ERBB4: variants seen among roughly 807,000 people sequenced by gnomAD.
ERBB4 encodes erb-b2 receptor tyrosine kinase 4.
ERBB4 carries 42 observed loss-of-function variants against 158.0 expected under a neutral mutation model. The observed-to-expected ratio is 0.27, with a 90% CI of 0.21 to 0.34. The LOEUF (loss-of-function observed/expected upper bound fraction) is 0.34, where lower values mean the gene tolerates loss of function less well. Ranked by LOEUF, ERBB4 falls within the 10% of genes least tolerant of loss-of-function variation. ERBB4 has a pLI of 1.00. For missense variants in ERBB4, 1,333 were observed against 1,624.1 expected, an observed-to-expected ratio of 0.82 and a Z score of 3.08; for synonymous variants, 583 against 558.7, an observed-to-expected ratio of 1.04 and a Z score of -0.61.
intron 17 of ERBB4, among the ~76,000 whole-genome samples, chr2:211,627,507 T>G (rs572411398): frequency 6.6e-6 from 1 of 152,348 alleles, no homozygotes; most frequent in South Asian, 2.1e-4. Context: ...AGCTGTAAGG[T>G]AGTTTCCAGA....
intron 2 of ERBB4, among the ~76,000 whole-genome samples, chr2:211,970,960 T>G (rs2081436467): frequency 6.6e-6 from 1 of 152,194 alleles, no homozygotes; most frequent in African/African-American, 2.4e-5. Context: ...ATGTGGTTGC[T>G]TTACAGCATC....
At chr2:211,678,175 T>C (rs961025944) in intron 13 of ERBB4, among the ~76,000 whole-genome samples, 48 of 152,016 alleles carry the variant, frequency 3.2e-4, no homozygotes, top group African/African-American at 1.1e-3. Flanking sequence ...CAGAACACTT[T>C]CAAAACCACT....
chr2:211,425,889 G>T (rs1470503906), intron 22 of ERBB4, among the ~76,000 whole-genome samples: 1 of 152,062 alleles, frequency 6.6e-6, no homozygotes, highest in African/African-American at 2.4e-5. Context: ...TCAGCATGTT[G>T]CCCAGGCTGG....
intron 1 of ERBB4, among the ~76,000 whole-genome samples, chr2:212,270,345 A>G (rs1372486918): frequency 1.3e-5 from 2 of 151,780 alleles, no homozygotes; most frequent in Non-Finnish European, 1.5e-5. Context: ...TCAAGTCACA[A>G]GATCTTTGCA....
chr2:211,829,877 A>G (rs1294254301), intron 3 of ERBB4, among the ~76,000 whole-genome samples: 1 of 152,178 alleles, frequency 6.6e-6, no homozygotes, highest in African/African-American at 2.4e-5. Context: ...AAAATTATAA[A>G]TGACATAAAA....
chr2:211,837,055 T>C (rs1278111044), intron 3 of ERBB4, among the ~76,000 whole-genome samples: 2 of 152,090 alleles, frequency 1.3e-5, no homozygotes, highest in Non-Finnish European at 2.9e-5. Context: ...CCAAAACCAT[T>C]TGATTATGAA....
intron 12 of ERBB4, among the ~76,000 whole-genome samples, chr2:211,679,698 T>G (rs921204373): frequency 3.3e-5 from 5 of 152,188 alleles, no homozygotes; most frequent in Non-Finnish European, 7.3e-5. Context: ...GTTTGTTTTT[T>G]TGAGACAGTC....
At chr2:212,231,031 C>A (rs545376628) in intron 1 of ERBB4, among the ~76,000 whole-genome samples, 1 of 152,226 alleles carries the variant, frequency 6.6e-6, no homozygotes, top group East Asian at 1.9e-4. Context: ...CTTGAATCTT[C>A]GAAATACAGT....
At chr2:212,045,232 G>A (rs2077232371) in intron 2 of ERBB4, among the ~76,000 whole-genome samples, 1 of 152,146 alleles carries the variant, frequency 6.6e-6, no homozygotes, top group African/African-American at 2.4e-5. Context: ...GGCCAAGGCA[G>A]GCAGATCACA....
chr2:212,401,521 C>T (rs1049615846), intron 1 of ERBB4, among the ~76,000 whole-genome samples: 6 of 151,918 alleles, frequency 3.9e-5, no homozygotes, highest in Admixed American at 6.6e-5. Flanking sequence ...CAGATCTGCA[C>T]AATATGTGGT....
intron 1 of ERBB4, among the ~76,000 whole-genome samples, chr2:212,443,121 C>G (rs937945482): frequency 1.3e-5 from 2 of 152,234 alleles, no homozygotes; most frequent in African/African-American, 4.8e-5. Context: ...TAAGGCCCAC[C>G]AGAAGCAATT....
chr2:211,958,240 T>C (rs971931354), intron 2 of ERBB4, among the ~76,000 whole-genome samples: 6 of 152,172 alleles, frequency 3.9e-5, no homozygotes, highest in African/African-American at 1.2e-4. Flanking sequence ...ATGTTACTTA[T>C]GATGCTCTTA....
chr2:211,966,379 T>A (rs1201460789), intron 2 of ERBB4, among the ~76,000 whole-genome samples: 1 of 152,060 alleles, frequency 6.6e-6, no homozygotes, highest in African/African-American at 2.4e-5. Context: ...AGAGCTGGGA[T>A]TGCAGGCACC....
At chr2:212,012,864 C>A (rs2076422458) in intron 2 of ERBB4, among the ~76,000 whole-genome samples, 1 of 152,044 alleles carries the variant, frequency 6.6e-6, no homozygotes, top group Admixed American at 6.5e-5. Flanking sequence ...CCCACCTCAG[C>A]CTCCCCAGTA....
At chr2:211,741,440 T>C (rs1575079589) in intron 5 of ERBB4, among the ~76,000 whole-genome samples, 1 of 123,768 alleles carries the variant, frequency 8.1e-6, no homozygotes, top group African/African-American at 3.4e-5. Flanking sequence ...TCTATAACTA[T>C]ATATGTAGTT....
chr2:211,760,852 T>C (rs980988753), intron 4 of ERBB4, among the ~76,000 whole-genome samples: 1 of 152,216 alleles, frequency 6.6e-6, no homozygotes, highest in African/African-American at 2.4e-5. Context: ...ATATACATTA[T>C]CTTATTTAAT....
chr2:211,937,904 C>G (rs1021554399), intron 3 of ERBB4, among the ~76,000 whole-genome samples: 1 of 152,038 alleles, frequency 6.6e-6, no homozygotes, highest in Non-Finnish European at 1.5e-5. Flanking sequence ...ACTGTGGAAA[C>G]TAAAGGTGAA....
chr2:211,445,280 A>C (rs986991281), intron 20 of ERBB4, among the ~76,000 whole-genome samples: 5 of 152,248 alleles, frequency 3.3e-5, no homozygotes, highest in Admixed American at 3.3e-4. Flanking sequence ...CTATAATACT[A>C]GTTCCAATAG....
Position 212,192,007 on chromosome 2 carries a change from A to ATGTTATATGTTAT in ERBB4, c.83-67105_83-67104insATAACATATAACA, listed in dbSNP as rs1491138840. 4.0e-5 allele frequency among the ~76,000 whole-genome samples: 4 copies of ATGTTATATGTTAT among 99,142 alleles called. No homozygotes were observed. In the Admixed American group the frequency reaches 4.2e-4, roughly 10 times the overall value. 65.0% of individuals were successfully genotyped at this position (99,142 alleles called of 152,430 possible). ...GTTATATGTTATATATGTTATATATAATATATGTTATATGTTATATATGTT... is the reference window on the plus strand; with the variant it reads ...GTTATATGTTATATATGTTATATATATGTTATATGTTATATATATGTTATATGTTATATATGTT... On this transcript the variant is annotated intron_variant, in intron 1 of 27. Transcript: ENST00000342788.
Sources: gnomAD v4.1 joint callset for allele counts (sites outside exome capture counted in the v4.1 genomes callset) on GRCh38, gnomAD v4.1.1 for gene constraint, MANE v1.5 for transcripts, NCBI Gene and HGNC (gene_info 2026-07-23, HGNC 2026-07-21) for gene names.